Variants in ETF1 observed in about 807,000 individuals in gnomAD.
The protein encoded by ETF1 is eukaryotic peptide chain release factor subunit 1.
Under a neutral mutation model 55.1 loss-of-function variants are expected in ETF1, and 4 were observed. That is an observed-to-expected ratio of 0.07 (90% CI 0.04 to 0.17). ETF1 has a LOEUF of 0.17. Among genes scored for constraint, ETF1 ranks in the 10% least tolerant of loss-of-function variants. The pLI, the probability that ETF1 is intolerant of heterozygous loss-of-function variation, is 1.00. For missense variants in ETF1, 142 were observed against 523.6 expected (o/e 0.27, Z 7.11); for synonymous variants, 157 against 182.3 (o/e 0.86, Z 1.12).
At chr5:138,532,328 G>C (rs113898250) in intron 2 of ETF1, among the ~76,000 whole-genome samples, 1 of 152,132 alleles carries the variant, frequency 6.6e-6, no homozygotes, top group African/African-American at 2.4e-5. Flanking sequence ...TCAGGCTCAC[G>C]TCCAGCTCTA....
At chr5:138,537,115 T>C (rs954644433) in intron 2 of ETF1, among the ~76,000 whole-genome samples, 2 of 152,188 alleles carry the variant, frequency 1.3e-5, no homozygotes, top group African/African-American at 4.8e-5. Flanking sequence ...CTGTTAGGAC[T>C]AGTTCTGAGT....
At chr5:138,514,649 C>T (rs1490891157) in intron 4 of ETF1, among the ~76,000 whole-genome samples, 2 of 151,680 alleles carry the variant, frequency 1.3e-5, no homozygotes, top group African/African-American at 2.4e-5. Flanking sequence ...ACTGCAGCCT[C>T]GAAGTCTTGG....
At chr5:138,521,483 C>A (rs564228701) in intron 2 of ETF1, among the ~76,000 whole-genome samples, 2 of 151,998 alleles carry the variant, frequency 1.3e-5, no homozygotes, top group Admixed American at 6.6e-5. Flanking sequence ...TTTTTTACAA[C>A]GAAAAAAATT....
intron 4 of ETF1, 138 bp from the exon 5 acceptor site, chr5:138,513,844 A>G (rs931564523): frequency 6.3e-5 from 71 of 1,124,208 alleles, no homozygotes; most frequent in Non-Finnish European, 8.1e-5. Context: ...CTACGGAATA[A>G]TTTATAGACT....
chr5:138,512,996 A>C lies in ETF1; in HGVS notation c.542-42T>G, dbSNP rs961733112. The C allele has an allele frequency of 2.0e-6, 3 of 1,483,166 alleles. No homozygotes were observed. In the African/African-American group the frequency reaches 4.4e-5, roughly 22 times the overall value. The allele number at this position is 1,483,166 out of a possible 1,614,324, so 91.9% of individuals were successfully genotyped here. On this transcript the variant is annotated intron_variant, in intron 5 of 10. Coordinates refer to ENST00000360541, the MANE Select transcript of ETF1 (RefSeq NM_004730.4). ...GCAAGAGAAAAAGGCAATTATTAAG[A>C]ACTACAAGATGTCTTCAAATTAAAA...
chr5:138,523,933 C>T (rs1765343534), intron 2 of ETF1, among the ~76,000 whole-genome samples: 1 of 151,662 alleles, frequency 6.6e-6, no homozygotes, highest in Admixed American at 6.6e-5. Context: ...TCCCAGCACT[C>T]TGGGAGGCCG....
chr5:138,514,010 A>T (rs1764917122), intron 4 of ETF1: 1 of 706,824 alleles, frequency 1.4e-6, no homozygotes, highest in South Asian at 6.3e-5. Context: ...AATATTACAT[A>T]CAGCAGTTAA....
intron 10 of ETF1, 46 bp from the exon 11 acceptor site, chr5:138,508,433 G>T: frequency 6.2e-7 from 1 of 1,610,050 alleles, no homozygotes; most frequent in South Asian, 1.1e-5. Context: ...TCATGGGATG[G>T]GCATGTGTGT....
chr5:138,508,679 A>G lies in ETF1; in HGVS notation c.1221T>C (p.Gly407=), dbSNP rs1561826560. The change falls in exon 10 of 11, where the codon GGT becomes GGC. Residue 407 remains glycine (G), a synonymous_variant. Transcript: ENST00000360541. ...TGATTTGCTACTCACCTCCAATTCC[A>G]CCAAATCCTTTCACAAACTGAGACC... is the stretch of plus-strand genomic sequence containing the variant. ...QEGSQFVKGF[G]GIGGILRYRV... is the part of the protein sequence containing the mutation. 6.2e-7 allele frequency: 1 copy of G among 1,612,506 alleles called. No homozygotes were observed. The highest frequency in any genetic ancestry group is 8.5e-7 in the Non-Finnish European group (1 of 1,180,014).
intron 2 of ETF1, among the ~76,000 whole-genome samples, chr5:138,539,071 C>A (rs543491018): frequency 6.6e-6 from 1 of 152,302 alleles, no homozygotes; most frequent in East Asian, 1.9e-4. Context: ...GACCTTCAAA[C>A]AAGGGTTATG....
At chr5:138,542,682 G>C (rs1766234570) in intron 2 of ETF1, 151 bp downstream of exon 2, 1 of 1,451,340 alleles carries the variant, frequency 6.9e-7, no homozygotes, top group Non-Finnish European at 9.1e-7. Flanking sequence ...GCCGACCCTC[G>C]CCCCTGGGTC....
chr5:138,519,255 C>G, intron 2 of ETF1: 1 of 923,218 alleles, frequency 1.1e-6, no homozygotes, highest in African/African-American at 1.8e-5. Context: ...GACGCCATGA[C>G]AGGATGATGC....
chr5:138,516,291 T>C (rs2127078468), intron 4 of ETF1, among the ~76,000 whole-genome samples: 1 of 152,286 alleles, frequency 6.6e-6, no homozygotes, highest in Non-Finnish European at 1.5e-5. Context: ...TTTTCCATAG[T>C]GTGATAGCTC....
intron 3 of ETF1, 104 bp downstream of exon 3, chr5:138,518,588 A>G: frequency 1.0e-6 from 1 of 969,756 alleles, no homozygotes; most frequent in Non-Finnish European, 1.5e-6. Flanking sequence ...CACTGATGAC[A>G]GCCGACTTAA....
intron 6 of ETF1, 132 bp from the exon 7 acceptor site, chr5:138,511,736 T>C: frequency 7.2e-7 from 1 of 1,388,622 alleles, no homozygotes; most frequent in South Asian, 1.9e-5. Context: ...AGTCTAAATA[T>C]GGGGAAGGAG....
rs70982719 is a variant in ETF1, at chr5:138,534,965, C to CTTT, written c.86+7865_86+7867dup. Among the ~76,000 whole-genome samples, 216 of 126,346 alleles carry CTTT rather than the reference C, an allele frequency of 1.7e-3. 2 individuals carry two copies. The highest frequency in any genetic ancestry group is 6.4e-3 in the African/African-American group (204 of 31,900). The allele number at this position is 126,346 out of a possible 152,430, so 82.9% of individuals were successfully genotyped here. ...TTACTCATCCTCAGAAAACTAGTTT[C>CTTT]TTTTTTTTTTTTTTTTTTGAGACAG... On this transcript the variant is annotated intron_variant, in intron 2 of 10. Coordinates refer to ENST00000360541, the MANE Select transcript of ETF1 (RefSeq NM_004730.4).
chr5:138,522,474 T>C (rs532668496), intron 2 of ETF1, among the ~76,000 whole-genome samples: 2 of 152,048 alleles, frequency 1.3e-5, no homozygotes, highest in African/African-American at 4.8e-5. Context: ...AGAGTTACCA[T>C]ATGACCCAAC....
intron 2 of ETF1, chr5:138,542,614 G>C: frequency 5.6e-6 from 8 of 1,417,274 alleles, no homozygotes; most frequent in Non-Finnish European, 7.3e-6. Context: ...GATCTAAACC[G>C]GGGAGCGCGG....
intron 6 of ETF1, chr5:138,511,891 A>G (rs1327834953): frequency 2.0e-6 from 2 of 985,100 alleles, no homozygotes; most frequent in Non-Finnish European, 2.4e-6. Flanking sequence ...GGCTCCTGCC[A>G]AATAAGGTAG....
Sources: allele counts gnomAD v4.1 joint callset (sites outside exome capture counted in the v4.1 genomes callset), GRCh38; gene constraint gnomAD v4.1.1; transcripts MANE v1.5; gene names NCBI Gene and HGNC (gene_info 2026-07-23, HGNC 2026-07-21).